Variants in MAPK8 observed in about 807,000 individuals in gnomAD.
MAPK8 encodes the protein JUN N-terminal kinase.
In MAPK8, 13 loss-of-function variants were observed where a neutral mutation model predicts 52.9. The observed-to-expected ratio is 0.25, with a 90% CI of 0.16 to 0.39. The LOEUF is 0.39. Ranked by LOEUF, MAPK8 falls within the 10% of genes least tolerant of loss-of-function variation. The probability of loss-of-function intolerance (pLI) is 1.00; values close to 1 mark genes in which losing one functional copy is unlikely to be tolerated. For missense variants in MAPK8, 300 were observed against 519.2 expected, an observed-to-expected ratio of 0.58 and a Z score of 4.10; for synonymous variants, 191 against 169.8, an observed-to-expected ratio of 1.12 and a Z score of -0.97.
intron 11 of MAPK8, among the ~76,000 whole-genome samples, chr10:48,433,304 A>G (rs2044516331): frequency 6.6e-6 from 1 of 152,220 alleles, no homozygotes; most frequent in Non-Finnish European, 1.5e-5. Flanking sequence ...TAGACCCTGA[A>G]CTAGAGGCAT....
At chr10:48,368,753 G>A (rs1034005054) in intron 1 of MAPK8, among the ~76,000 whole-genome samples, 2 of 152,224 alleles carry the variant, frequency 1.3e-5, no homozygotes, top group Non-Finnish European at 2.9e-5. Flanking sequence ...AAGTGACCCA[G>A]AGGATTCAGC....
intron 1 of MAPK8, among the ~76,000 whole-genome samples, chr10:48,377,446 T>G (rs897803082): frequency 6.6e-6 from 1 of 152,226 alleles, no homozygotes; most frequent in African/African-American, 2.4e-5. Context: ...CTTGGTCAAT[T>G]GAACCCTTCA....
Position 48,333,013 on chromosome 10 carries a change from T to C in MAPK8, c.-50+26192T>C, listed in dbSNP as rs72472027. Among the ~76,000 whole-genome samples the C allele has an allele frequency of 4.1e-3, 630 of 152,298 alleles. 6 individuals are homozygous for C. Among genetic ancestry groups the C allele is most frequent in the East Asian group, 0.017 (90 of 5,184 alleles). Reference sequence around the variant, plus strand: ...TTATTTCCATCAATGACACCATCACTGTTATGTCCCTTGCCATCTGTCACT... The same window carrying C: ...TTATTTCCATCAATGACACCATCACCGTTATGTCCCTTGCCATCTGTCACT... On this transcript the variant is annotated intron_variant, in intron 1 of 11. Transcript: ENST00000374189.
intron 1 of MAPK8, among the ~76,000 whole-genome samples, chr10:48,375,816 A>G (rs1275692336): frequency 1.3e-5 from 2 of 152,224 alleles, no homozygotes; most frequent in East Asian, 3.8e-4. Context: ...ATACTGCCCA[A>G]AATAATTTGT....
At chr10:48,315,763 A>AT (rs1842438965) in intron 1 of MAPK8, among the ~76,000 whole-genome samples, 1 of 151,022 alleles carries the variant, frequency 6.6e-6, no homozygotes, top group Admixed American at 6.6e-5. Flanking sequence ...TTGTAGTTGA[A>AT]TTTTTTATTT....
At chr10:48,352,318 A>G (rs370096714) in intron 1 of MAPK8, among the ~76,000 whole-genome samples, 10 of 152,158 alleles carry the variant, frequency 6.6e-5, no homozygotes, top group African/African-American at 2.2e-4. Flanking sequence ...ATACCAAAAA[A>G]AAAAACCTAC....
intron 1 of MAPK8, among the ~76,000 whole-genome samples, chr10:48,378,657 A>G (rs1019569855): frequency 2.0e-5 from 3 of 152,164 alleles, no homozygotes; most frequent in Admixed American, 2.0e-4. Flanking sequence ...CTAGAATCTA[A>G]TAACAGGTGT....
At chr10:48,324,260 G>A (rs1843259760) in intron 1 of MAPK8, among the ~76,000 whole-genome samples, 1 of 152,182 alleles carries the variant, frequency 6.6e-6, no homozygotes, top group African/African-American at 2.4e-5. Flanking sequence ...ACCAGGTACT[G>A]TGATTTCTCA....
intron 1 of MAPK8, among the ~76,000 whole-genome samples, chr10:48,311,438 A>G (rs1190709622): frequency 6.6e-6 from 1 of 152,192 alleles, no homozygotes; most frequent in Non-Finnish European, 1.5e-5. Flanking sequence ...TCCAGAAGCA[A>G]ATATTGAAGG....
At chr10:48,324,742 A>T (rs1049437409) in intron 1 of MAPK8, among the ~76,000 whole-genome samples, 2 of 152,090 alleles carry the variant, frequency 1.3e-5, no homozygotes, top group African/African-American at 4.8e-5. Flanking sequence ...CACAGGCATC[A>T]GGTGGTTTGC....
intron 1 of MAPK8, among the ~76,000 whole-genome samples, chr10:48,342,045 CAGG>C (rs933160981): frequency 6.6e-6 from 1 of 152,204 alleles, no homozygotes; most frequent in African/African-American, 2.4e-5. Context: ...GAAGATGTGG[CAGG>C]AGAAGTATGC....
intron 1 of MAPK8, among the ~76,000 whole-genome samples, chr10:48,315,743 TCTA>T (rs1400030352): frequency 6.6e-6 from 1 of 151,340 alleles, no homozygotes; most frequent in African/African-American, 2.4e-5. Flanking sequence ...ATTTATTATT[TCTA>T]ATAGTTTTGT....
chr10:48,424,455 CTTTTTTT>C, intron 7 of MAPK8: 1 of 894,152 alleles, frequency 1.1e-6, no homozygotes, highest in Non-Finnish European at 1.6e-6. Context: ...TTATTTCTTT[CTTTTTTT>C]TTTTATTTTA....
At chr10:48,316,905 G>T (rs75488433) in intron 1 of MAPK8, among the ~76,000 whole-genome samples, 1 of 152,074 alleles carries the variant, frequency 6.6e-6, no homozygotes, top group Non-Finnish European at 1.5e-5. Flanking sequence ...TTAGAACCTC[G>T]GGAAAACAAG....
intron 1 of MAPK8, among the ~76,000 whole-genome samples, chr10:48,352,010 A>AT (rs1478134590): frequency 6.6e-6 from 1 of 152,184 alleles, no homozygotes; most frequent in Admixed American, 6.5e-5. Context: ...AAAGGATACT[A>AT]TTTTTAAAAA....
chr10:48,438,602 A>G lies in MAPK8; in HGVS notation c.*3573A>G, dbSNP rs1377392261. 6.6e-6 allele frequency: 1 copy of G among 152,220 alleles called. No individual in the cohort carries two copies. Among genetic ancestry groups the G allele is most frequent in the Non-Finnish European group, 1.5e-5 (1 of 68,030 alleles). 9.4% of individuals were successfully genotyped at this position (152,220 alleles called of 1,614,324 possible). A position where few individuals can be genotyped will look rare whatever the true frequency, so the allele number is the denominator to read the frequency against. On this transcript the variant is annotated 3_prime_UTR_variant, in exon 12 of 12. Coordinates refer to ENST00000374189, the MANE Select transcript of MAPK8 (RefSeq NM_001323329.2). ...CAATGTTCTATTCTCATAATGACTTACAAATTAAACTAGGTTTTTATTGAA... is the reference window on the plus strand; with the variant it reads ...CAATGTTCTATTCTCATAATGACTTGCAAATTAAACTAGGTTTTTATTGAA...
At chr10:48,377,264 C>T (rs1044746515) in intron 1 of MAPK8, among the ~76,000 whole-genome samples, 5 of 151,898 alleles carry the variant, frequency 3.3e-5, no homozygotes, top group African/African-American at 9.7e-5. Context: ...ATGTAGATGA[C>T]GTGTTGATGG....
chr10:48,393,013 G>A (rs1019963989), intron 1 of MAPK8, among the ~76,000 whole-genome samples: 2 of 152,018 alleles, frequency 1.3e-5, no homozygotes, highest in Non-Finnish European at 2.9e-5. Flanking sequence ...GGCTTCTTCA[G>A]TATGTTCTTG....
At chr10:48,348,080 C>T (rs949989984) in intron 1 of MAPK8, among the ~76,000 whole-genome samples, 21 of 152,262 alleles carry the variant, frequency 1.4e-4, no homozygotes, top group African/African-American at 4.6e-4. Flanking sequence ...CTTTAATGTT[C>T]GCCATTCTAA....
Sources: allele counts gnomAD v4.1 joint callset (sites outside exome capture counted in the v4.1 genomes callset), GRCh38; gene constraint gnomAD v4.1.1; transcripts MANE v1.5; gene names NCBI Gene and HGNC (gene_info 2026-07-23, HGNC 2026-07-21).